The following PLEKHH2 variants were observed in gnomAD, a reference collection of about 807,000 sequenced individuals.
PLEKHH2 encodes pleckstrin homology, MyTH4 and FERM domain containing H2, also known as pleckstrin homology domain-containing family H member 2.
A neutral mutation model predicts 187.9 loss-of-function variants in PLEKHH2; 129 were observed. That is an observed-to-expected ratio of 0.69 (90% confidence interval 0.59 to 0.79). PLEKHH2 has a LOEUF of 0.79. Among genes scored for constraint, PLEKHH2 ranks in the 30% least tolerant of loss-of-function variants. The pLI is 0.00. For missense variants in PLEKHH2, 2,076 were observed against 1,751.2 expected, an observed-to-expected ratio of 1.19 and a Z score of -3.31; for synonymous variants, 686 against 605.6, an observed-to-expected ratio of 1.13 and a Z score of -1.95.
Position 43,742,893 on chromosome 2 carries a change from T to G in PLEKHH2, c.3374T>G (p.Val1125Gly). 6.3e-7 allele frequency: 1 copy of G among 1,582,558 alleles called. No individual in the cohort carries two copies. Among genetic ancestry groups the G allele is most frequent in the Non-Finnish European group, 8.6e-7 (1 of 1,167,800 alleles). Residue 1125 changes from valine (V) to glycine (G), a missense_variant, in exon 22 of 30, where the codon GTG becomes GGG. By Grantham distance (109) the Val-to-Gly change is moderately radical. Transcript: ENST00000282406. ...YHHSLPFSIPVHFMNGIYQVV... is the reference protein window; with the variant it reads ...YHHSLPFSIPGHFMNGIYQVV... ...CATTCTTTGCCCTTTAGTATACCTGTGCACTTCATGAATGGGATATACCAG... is the reference window on the plus strand; with the variant it reads ...CATTCTTTGCCCTTTAGTATACCTGGGCACTTCATGAATGGGATATACCAG...
chr2:43,753,845 C>T (rs2104616138), intron 25 of PLEKHH2, 85 bp downstream of exon 25: 1 of 1,131,200 alleles, frequency 8.8e-7, no homozygotes, highest in African/African-American at 1.6e-5. Flanking sequence ...TAATATACTT[C>T]AATAATTCTT....
intron 24 of PLEKHH2, among the ~76,000 whole-genome samples, chr2:43,752,814 T>C (rs552313548): frequency 2.6e-5 from 4 of 152,292 alleles, no homozygotes; most frequent in East Asian, 3.9e-4. Context: ...AGTCACTGAT[T>C]TGATGAAGAC....
chr2:43,712,473 T>C, intron 15 of PLEKHH2, 90 bp downstream of exon 15: 2 of 1,386,238 alleles, frequency 1.4e-6, no homozygotes, highest in Non-Finnish European at 2.0e-6. Context: ...CATATACATA[T>C]ATTGAATATT....
intron 20 of PLEKHH2, among the ~76,000 whole-genome samples, chr2:43,738,899 G>A (rs1236626699): frequency 1.3e-5 from 2 of 151,962 alleles, no homozygotes; most frequent in Admixed American, 1.3e-4. Context: ...AGACATCTTT[G>A]AACCTAAATG....
Position 43,678,901 on chromosome 2 carries a change from T to G in PLEKHH2, c.162T>G (p.Arg54=). 6.2e-7 allele frequency: 1 copy of G among 1,609,694 alleles called. No individual in the cohort carries two copies. Among genetic ancestry groups the G allele is most frequent in the Non-Finnish European group, 8.5e-7 (1 of 1,177,146 alleles). The change falls in exon 3 of 30, where the codon CGT becomes CGG. Residue 54 remains arginine (R), a synonymous_variant. Coordinates refer to ENST00000282406, the MANE Select transcript of PLEKHH2 (RefSeq NM_172069.4). ...QLERQVIDAE[R]QAEKAFQQVQ... is the part of the protein sequence containing the mutation. Reference sequence around the variant, plus strand: ...AGAGACAAGTTATTGATGCTGAACGTCAAGCAGAAAAAGCTTTTCAACAGG... The same window carrying G: ...AGAGACAAGTTATTGATGCTGAACGGCAAGCAGAAAAAGCTTTTCAACAGG...
rs70965318 is a variant in PLEKHH2 at position 43,704,662 on chromosome 2, T to TAAAAAAAAAAAAAAAAA, written c.1726+614_1726+630dup. On this transcript the variant is annotated intron_variant, in intron 9 of 29. Transcript: ENST00000282406. ...TGGGTGACAGAGCAAGATTCTGTCT[T>TAAAAAAAAAAAAAAAAA]AAAAAAAAAAAAAAAAAAAAAAAAG... 1.7e-4 allele frequency among the ~76,000 whole-genome samples: 14 copies of TAAAAAAAAAAAAAAAAA among 84,286 alleles called. No homozygotes were observed. In the East Asian group the frequency reaches 1.7e-3, roughly 10 times the overall value. The allele number at this position is 84,286 out of a possible 152,430, so 55.3% of individuals were successfully genotyped here.
chr2:43,676,306 C>T lies in PLEKHH2; in HGVS notation c.124-2557C>T, dbSNP rs199526423. 378 of 1,608,182 alleles carry T rather than the reference C, an allele frequency of 2.4e-4. 1 individual carries two copies. Among genetic ancestry groups the T allele is most frequent in the Non-Finnish European group, 3.1e-4 (360 of 1,177,194 alleles). ...CAACATACCCTTAAAAAATGATGTCCCACTAGCGGAAACCATTTTCCAGGC... is the reference window on the plus strand; with the variant it reads ...CAACATACCCTTAAAAAATGATGTCTCACTAGCGGAAACCATTTTCCAGGC... On this transcript the variant is annotated intron_variant, in intron 2 of 29. Transcript: ENST00000282406.
intron 7 of PLEKHH2, among the ~76,000 whole-genome samples, chr2:43,698,926 A>C (rs920356895): frequency 1.3e-5 from 2 of 152,208 alleles, no homozygotes; most frequent in African/African-American, 4.8e-5. Flanking sequence ...CCAAAAGTAG[A>C]GCAAGGAAAG....
At position 43,710,532 on chromosome 2, in the gene PLEKHH2, C is replaced by T. The variant is rs761959380; in HGVS notation, c.2258C>T (p.Ala753Val). ...RKPQGHIELS[A>V]SCSILRGDNK... ...CCCCAGGGCCATATTGAACTTAGTG[C>T]ATCCTGTAGTATTTTAAGAGGAGAT... The change falls in exon 14 of 30, where the codon GCA becomes GTA. Residue 753 changes from alanine (A) to valine (V), a missense_variant. Physicochemically the swap from Ala to Val is moderately conservative, Grantham distance 64 (BLOSUM62 0). Coordinates refer to ENST00000282406, the MANE Select transcript of PLEKHH2 (RefSeq NM_172069.4). 5 of 1,596,244 alleles carry T rather than the reference C, an allele frequency of 3.1e-6. No individual in the cohort carries two copies. Among genetic ancestry groups the T allele is most frequent in the Middle Eastern group, 3.4e-4 (2 of 5,912 alleles).
chr2:43,710,075 A>G lies in PLEKHH2; in HGVS notation c.2052A>G (p.Pro684=). 6.2e-7 allele frequency: 1 copy of G among 1,613,498 alleles called. No individual in the cohort carries two copies. The highest frequency in any genetic ancestry group is 1.1e-5 in the South Asian group (1 of 90,968). Residue 684 remains proline, a synonymous_variant, in exon 12 of 30, where the codon CCA becomes CCG. Transcript: ENST00000282406. ...AYSTDTEYSQ[P]EQKLPKTCSS... ...CCACAGACACGGAGTACTCACAGCC[A>G]GAGCAGAAGCTCCCAAAAACTTGCT...
At chr2:43,663,991 G>A (rs1340868369) in intron 2 of PLEKHH2, among the ~76,000 whole-genome samples, 6 of 115,254 alleles carry the variant, frequency 5.2e-5, no homozygotes, top group African/African-American at 1.4e-4. Context: ...TATTAGGTCC[G>A]CTTGGTGCAG....
intron 23 of PLEKHH2, 64 bp from the exon 24 acceptor site, chr2:43,745,802 C>T (rs1671755413): frequency 7.9e-7 from 1 of 1,269,516 alleles, no homozygotes; most frequent in African/African-American, 1.5e-5. Context: ...CTGCAGCACA[C>T]TTGTCTTCAA....
At position 43,726,274 on chromosome 2, in the gene PLEKHH2, T is replaced by G; in HGVS notation, c.2544T>G (p.Phe848Leu). 6.3e-7 allele frequency: 1 copy of G among 1,593,600 alleles called. No homozygotes were observed. Among genetic ancestry groups the G allele is most frequent in the South Asian group, 1.1e-5 (1 of 89,390 alleles). ...LYYFRSQEDK[F>L]PLGQIKLWEA... ...ACAATTACTAATATTTACTTTAGTT[T>G]CCTTTAGGTCAGATCAAACTCTGGG... The change falls in exon 17 of 30, where the codon TTT becomes TTG. Residue 848 changes from phenylalanine (F) to leucine (L), a missense_variant and splice_region_variant. Physicochemically the swap from Phe to Leu is conservative, Grantham distance 22. Coordinates refer to ENST00000282406, the MANE Select transcript of PLEKHH2 (RefSeq NM_172069.4).
intron 3 of PLEKHH2, among the ~76,000 whole-genome samples, chr2:43,686,284 C>T (rs1668502272): frequency 6.6e-6 from 1 of 152,140 alleles, no homozygotes; most frequent in African/African-American, 2.4e-5. Flanking sequence ...GCAGCCTCTG[C>T]CTCCCGGGTT....
rs116826307 is a variant in PLEKHH2, at chr2:43,739,198, A to G, written c.3123+678A>G. Among the ~76,000 whole-genome samples, 511 of 152,270 alleles carry G rather than the reference A, an allele frequency of 3.4e-3. 3 individuals are homozygous for G. Among genetic ancestry groups the G allele is most frequent in the African/African-American group, 0.012 (485 of 41,556 alleles). ...GAGCCACCGCGCCCACCAGGAACCT[A>G]AATCTTGTGGACAGGTCCAGCGAAT... On this transcript the variant is annotated intron_variant, in intron 20 of 29. Transcript: ENST00000282406.
chr2:43,710,076 G>T lies in PLEKHH2; in HGVS notation c.2053G>T (p.Glu685Ter), dbSNP rs147137111. 5 of 1,613,372 alleles carry T rather than the reference G, an allele frequency of 3.1e-6. No individual in the cohort carries two copies. Among genetic ancestry groups the T allele is most frequent in the Non-Finnish European group, 4.2e-6 (5 of 1,179,750 alleles). ...CACAGACACGGAGTACTCACAGCCA[G>T]AGCAGAAGCTCCCAAAAACTTGCTC... ...YSTDTEYSQP[E>*]QKLPKTCSSS... The change falls in exon 12 of 30, where the codon GAG (glutamate) becomes TAG (stop). Residue 685 changes from glutamate to a stop codon, truncating the protein, a stop_gained. Coordinates refer to ENST00000282406, the MANE Select transcript of PLEKHH2 (RefSeq NM_172069.4). LOFTEE classifies it high-confidence loss of function.
chr2:43,697,370 A>T lies in PLEKHH2; in HGVS notation c.688+14A>T. 6.3e-7 allele frequency: 1 copy of T among 1,575,566 alleles called. No individual in the cohort carries two copies. Among genetic ancestry groups the T allele is most frequent in the Non-Finnish European group, 8.6e-7 (1 of 1,158,784 alleles). On this transcript the variant is annotated intron_variant, in intron 7 of 29. Coordinates refer to ENST00000282406, the MANE Select transcript of PLEKHH2 (RefSeq NM_172069.4). ...AAGACATGGAAGGTATTTATGAACTACAGGAATTGACTTTGGCATTTTTTA... is the reference window on the plus strand; with the variant it reads ...AAGACATGGAAGGTATTTATGAACTTCAGGAATTGACTTTGGCATTTTTTA...
intron 16 of PLEKHH2, among the ~76,000 whole-genome samples, chr2:43,724,133 C>G (rs1229340678): frequency 6.2e-5 from 6 of 97,106 alleles, no homozygotes; most frequent in Admixed American, 1.8e-4. Context: ...TCAAGGAGGA[C>G]TTACCAAGGT....
At chr2:43,667,176 T>C (rs1667259510) in intron 2 of PLEKHH2, among the ~76,000 whole-genome samples, 1 of 152,216 alleles carries the variant, frequency 6.6e-6, no homozygotes, top group Non-Finnish European at 1.5e-5. Context: ...GGAAATGTCA[T>C]GTGGCTATTT....
Sources: allele counts gnomAD v4.1 joint callset (sites outside exome capture counted in the v4.1 genomes callset), GRCh38; gene constraint gnomAD v4.1.1; transcripts MANE v1.5; gene names NCBI Gene and HGNC (gene_info 2026-07-23, HGNC 2026-07-21).